The following AHCYL2 variants were observed in gnomAD, a reference collection of about 807,000 sequenced individuals.
AHCYL2 encodes adenosylhomocysteinase like 2, also known as S-adenosylhomocysteine hydrolase-like protein 2.
A neutral mutation model predicts 81.4 loss-of-function variants in AHCYL2; 28 were observed. The observed-to-expected ratio is 0.34, with a 90% CI of 0.25 to 0.47. The LOEUF (loss-of-function observed/expected upper bound fraction) is 0.47, where lower values mean the gene tolerates loss of function less well. Among genes scored for constraint, AHCYL2 ranks in the 20% least tolerant of loss-of-function variants. The pLI is 1.00. For missense variants in AHCYL2, 551 were observed against 785.1 expected, an observed-to-expected ratio of 0.70 and a Z score of 3.56; for synonymous variants, 272 against 290.2, an observed-to-expected ratio of 0.94 and a Z score of 0.64.
intron 1 of AHCYL2, among the ~76,000 whole-genome samples, chr7:129,226,184 G>T (rs1584676508): frequency 6.6e-6 from 1 of 152,338 alleles, no homozygotes; most frequent in East Asian, 1.9e-4. Flanking sequence ...AAGAAATGCT[G>T]CTACTTTTGG....
At chr7:129,325,113 G>C (rs1276009372) in intron 1 of AHCYL2, among the ~76,000 whole-genome samples, 2 of 151,844 alleles carry the variant, frequency 1.3e-5, no homozygotes, top group African/African-American at 4.8e-5. Context: ...ACCATTTTTG[G>C]TACTTTTCAT....
intron 1 of AHCYL2, among the ~76,000 whole-genome samples, chr7:129,243,564 GTTTGTT>G (rs148123358): frequency 0.5 from 75,675 of 151,070 alleles, 21,563 homozygotes; most frequent in Non-Finnish European, 0.63. Flanking sequence ...TATGTCTTTT[GTTTGTT>G]TTTGTTTTTG....
At chr7:129,335,830 G>A (rs958210281) in intron 1 of AHCYL2, among the ~76,000 whole-genome samples, 2 of 152,120 alleles carry the variant, frequency 1.3e-5, no homozygotes, top group African/African-American at 2.4e-5. Context: ...TGAAAGTTAC[G>A]TAGCATTACT....
chr7:129,330,111 C>T (rs1240863036), intron 1 of AHCYL2, among the ~76,000 whole-genome samples: 16 of 152,344 alleles, frequency 1.1e-4, no homozygotes, highest in Non-Finnish European at 2.2e-4. Context: ...TCAAGGAATC[C>T]TCCTGCCTCA....
At chr7:129,253,402 C>T (rs1795307125) in intron 1 of AHCYL2, among the ~76,000 whole-genome samples, 1 of 152,110 alleles carries the variant, frequency 6.6e-6, no homozygotes, top group Admixed American at 6.5e-5. Flanking sequence ...TACGGTAGCA[C>T]TGTGATAAGC....
At chr7:129,371,397 C>G (rs1404211443) in intron 1 of AHCYL2, among the ~76,000 whole-genome samples, 1 of 152,194 alleles carries the variant, frequency 6.6e-6, no homozygotes, top group African/African-American at 2.4e-5. Flanking sequence ...ACTCACATCT[C>G]TGATTTCCAG....
At chr7:129,329,054 C>G (rs1798326081) in intron 1 of AHCYL2, among the ~76,000 whole-genome samples, 2 of 152,118 alleles carry the variant, frequency 1.3e-5, no homozygotes, top group Non-Finnish European at 2.9e-5. Flanking sequence ...GGATTGGGTT[C>G]CAGTGATTAC....
At chr7:129,339,434 TAGA>T (rs1433931917) in intron 1 of AHCYL2, among the ~76,000 whole-genome samples, 2 of 152,248 alleles carry the variant, frequency 1.3e-5, no homozygotes, top group Non-Finnish European at 2.9e-5. Context: ...GTGTTTGTGA[TAGA>T]AGAAGACTGG....
intron 1 of AHCYL2, among the ~76,000 whole-genome samples, chr7:129,362,261 A>G (rs1793955292): frequency 6.6e-6 from 1 of 152,168 alleles, no homozygotes; most frequent in South Asian, 2.1e-4. Flanking sequence ...AAGTCTATTC[A>G]ACTTTAAAAG....
At chr7:129,233,611 A>G (rs1286247565) in intron 1 of AHCYL2, among the ~76,000 whole-genome samples, 1 of 151,814 alleles carries the variant, frequency 6.6e-6, no homozygotes, top group Middle Eastern at 3.4e-3. Flanking sequence ...CCTCAGCCTC[A>G]TGAGTAGCTG....
At chr7:129,299,314 G>A (rs1229887234) in intron 1 of AHCYL2, among the ~76,000 whole-genome samples, 1 of 140,532 alleles carries the variant, frequency 7.1e-6, no homozygotes, top group East Asian at 2.1e-4. Flanking sequence ...TCCGGGCATA[G>A]TGGCTCACCT....
At chr7:129,411,913 A>T (rs1052300392) in intron 11 of AHCYL2, among the ~76,000 whole-genome samples, 3 of 152,144 alleles carry the variant, frequency 2.0e-5, no homozygotes, top group Non-Finnish European at 4.4e-5. Flanking sequence ...ACTGGTAGAC[A>T]TTTGGGTTGT....
intron 4 of AHCYL2, among the ~76,000 whole-genome samples, chr7:129,391,816 A>G (rs960230102): frequency 6.6e-6 from 1 of 152,206 alleles, no homozygotes; most frequent in Admixed American, 6.5e-5. Flanking sequence ...CATCTTCACT[A>G]TGAAACTTTT....
intron 1 of AHCYL2, among the ~76,000 whole-genome samples, chr7:129,332,369 G>A (rs1317741150): frequency 6.6e-6 from 1 of 152,176 alleles, no homozygotes; most frequent in Non-Finnish European, 1.5e-5. Flanking sequence ...GAGTTTGGGT[G>A]TATTCACTCC....
At chr7:129,244,466 G>T (rs372010233) in intron 1 of AHCYL2, among the ~76,000 whole-genome samples, 23 of 152,264 alleles carry the variant, frequency 1.5e-4, no homozygotes, top group Middle Eastern at 6.8e-3. Context: ...AATGGAACTT[G>T]CTTTCTCATG....
At chr7:129,265,584 C>T (rs1227528087) in intron 1 of AHCYL2, among the ~76,000 whole-genome samples, 1 of 152,046 alleles carries the variant, frequency 6.6e-6, no homozygotes, top group Non-Finnish European at 1.5e-5. Flanking sequence ...GAGGCACGTG[C>T]AGCTGGAGTA....
Position 129,426,608 on chromosome 7 carries a change from A to T in AHCYL2, c.1829+45A>T. 1 of 1,593,688 alleles carries T rather than the reference A, an allele frequency of 6.3e-7. No individual in the cohort carries two copies. Among genetic ancestry groups the T allele is most frequent in the Non-Finnish European group, 8.5e-7 (1 of 1,171,516 alleles). On this transcript the variant is annotated intron_variant, in intron 16 of 16. Coordinates refer to ENST00000325006, the MANE Select transcript of AHCYL2 (RefSeq NM_015328.4). This position sits in a 1 kb window ranked among gnomAD's most constrained non-coding sequence, Gnocchi z 4.3. The stretch of plus-strand genomic sequence containing the variant: ...AATCAGGGACACCTGGGCAGTGATG[A>T]GCTTCCTGCACTGGAATTGGTCTTT...
chr7:129,260,018 G>A (rs1039967108), intron 1 of AHCYL2, among the ~76,000 whole-genome samples: 2 of 151,340 alleles, frequency 1.3e-5, no homozygotes, highest in African/African-American at 4.9e-5. Flanking sequence ...GAAGGTTGCA[G>A]TGAGCCGAGA....
At chr7:129,317,523 T>C (rs1444822347) in intron 1 of AHCYL2, among the ~76,000 whole-genome samples, 3 of 152,246 alleles carry the variant, frequency 2.0e-5, no homozygotes, top group Admixed American at 1.3e-4. Flanking sequence ...CACAGCATAG[T>C]TGAGAAAATC....
Sources: gnomAD v4.1 joint callset for allele counts (sites outside exome capture counted in the v4.1 genomes callset) on GRCh38, gnomAD v4.1.1 for gene constraint, Gnocchi (gnomAD v3.1) non-coding constraint, MANE v1.5 for transcripts, NCBI Gene and HGNC (gene_info 2026-07-23, HGNC 2026-07-21) for gene names.